AP3B1: variants seen among roughly 807,000 people sequenced by gnomAD.
AP3B1 encodes the protein AP-3 complex subunit beta-1.
A neutral mutation model predicts 132.5 loss-of-function variants in AP3B1; 61 were observed. The ratio of observed to expected loss-of-function variants is 0.46; its 90% CI spans 0.37 to 0.57. The LOEUF is 0.57. Ranked by LOEUF, AP3B1 falls within the 20% of genes least tolerant of loss-of-function variation. The probability of loss-of-function intolerance (pLI) is 0.00; values close to 1 mark genes in which losing one functional copy is unlikely to be tolerated. For synonymous variants in AP3B1, 388 were observed against 438.3 expected, an observed-to-expected ratio of 0.89 and a Z score of 1.43; for missense variants, 1,120 against 1,289.4, an observed-to-expected ratio of 0.87 and a Z score of 2.01.
chr5:78,063,269 T>C (rs1172059966), intron 22 of AP3B1, among the ~76,000 whole-genome samples: 1 of 152,206 alleles, frequency 6.6e-6, no homozygotes, highest in Non-Finnish European at 1.5e-5. Context: ...CTACAGCTCA[T>C]TTCCACAGTA....
At chr5:78,096,845 TCAGCCCCCGCC>T (rs1750829315) in intron 21 of AP3B1, among the ~76,000 whole-genome samples, 2 of 137,292 alleles carry the variant, frequency 1.5e-5, no homozygotes, top group African/African-American at 2.8e-5. Flanking sequence ...GAGGGGGGGC[TCAGCCCCCGCC>T]AGGCCAGCCG....
intron 22 of AP3B1, among the ~76,000 whole-genome samples, chr5:78,076,053 G>A (rs1274063336): frequency 1.3e-5 from 2 of 152,080 alleles, no homozygotes; most frequent in Non-Finnish European, 2.9e-5. Flanking sequence ...ATGGTACAGA[G>A]GAAAAAAGGT....
chr5:78,204,478 C>T (rs1745422889), intron 7 of AP3B1, among the ~76,000 whole-genome samples: 1 of 152,156 alleles, frequency 6.6e-6, no homozygotes, highest in Admixed American at 6.5e-5. Flanking sequence ...AGGTGTCTAA[C>T]CCTACGCATG....
rs192942553 is a variant in AP3B1, at chr5:78,168,593, T to C, written c.1168-2921A>G. 3.0e-3 allele frequency among the ~76,000 whole-genome samples: 462 copies of C among 152,320 alleles called. 2 individuals are homozygous for C. Among genetic ancestry groups the C allele is most frequent in the African/African-American group, 0.011 (440 of 41,562 alleles). On this transcript the variant is annotated intron_variant, in intron 11 of 26. Coordinates refer to ENST00000255194, the MANE Select transcript of AP3B1 (RefSeq NM_003664.5). ...CGTATAGTACAAAGAACTGTTGCTG[T>C]TGTTTTTCTGAACGATTTGAGACGA...
At chr5:78,250,772 A>AT (rs1019221453) in intron 2 of AP3B1, among the ~76,000 whole-genome samples, 16 of 152,232 alleles carry the variant, frequency 1.1e-4, no homozygotes, top group East Asian at 5.8e-4. Context: ...GGGATGTGGC[A>AT]TTTTTTTAAA....
chr5:78,193,879 C>T (rs1281800567), intron 7 of AP3B1, among the ~76,000 whole-genome samples: 2 of 150,524 alleles, frequency 1.3e-5, no homozygotes, highest in East Asian at 1.9e-4. Context: ...CTCAGCCTCC[C>T]GAGTAGCTGG....
At chr5:78,193,772 T>TATATA (rs1561469679) in intron 7 of AP3B1, among the ~76,000 whole-genome samples, 4 of 91,212 alleles carry the variant, frequency 4.4e-5, no homozygotes, top group Non-Finnish European at 1.0e-4. Flanking sequence ...ATATATATAT[T>TATATA]TTTTTTTTAG....
At chr5:78,279,463 T>A (rs1491000587) in intron 1 of AP3B1, among the ~76,000 whole-genome samples, 1 of 152,090 alleles carries the variant, frequency 6.6e-6, no homozygotes, top group Admixed American at 6.6e-5. Flanking sequence ...ATGTGAGAAA[T>A]TCTAAAATCA....
chr5:78,128,258 A>T, intron 16 of AP3B1, 98 bp from the exon 17 acceptor site: 1 of 1,097,744 alleles, frequency 9.1e-7, no homozygotes, highest in Non-Finnish European at 1.3e-6. Context: ...ATATTACCTC[A>T]AATGTCAAGG....
At chr5:78,095,027 G>A (rs192453421) in intron 21 of AP3B1, among the ~76,000 whole-genome samples, 14 of 152,254 alleles carry the variant, frequency 9.2e-5, no homozygotes, top group African/African-American at 2.2e-4. Context: ...TTTTGATACC[G>A]CTAGGTGGAT....
intron 1 of AP3B1, among the ~76,000 whole-genome samples, chr5:78,280,224 G>C (rs1244392083): frequency 2.6e-5 from 4 of 151,818 alleles, no homozygotes; most frequent in African/African-American, 9.7e-5. Context: ...TTCATGAAAA[G>C]AAAACTGATC....
intron 1 of AP3B1, among the ~76,000 whole-genome samples, chr5:78,273,274 A>G (rs1273104080): frequency 6.6e-6 from 1 of 152,086 alleles, no homozygotes; most frequent in Non-Finnish European, 1.5e-5. Flanking sequence ...GTGTGGTGAC[A>G]TGCGCCTGTA....
Position 78,098,151 on chromosome 5 carries a change from C to T in AP3B1, c.2470+2802G>A, listed in dbSNP as rs1021789742. Among the ~76,000 whole-genome samples, 24 of 151,064 alleles carry T rather than the reference C, an allele frequency of 1.6e-4. 1 individual carries two copies. The highest frequency in any genetic ancestry group is 4.6e-4 in the Admixed American group (7 of 15,094). ...CGGGGACACAAACACTGCGGAAGGC[C>T]GCAGGGTCCTCTGCCTAGGAAAACC... On this transcript the variant is annotated intron_variant, in intron 21 of 26. Transcript: ENST00000255194.
intron 3 of AP3B1, among the ~76,000 whole-genome samples, chr5:78,234,369 G>A (rs1377365400): frequency 1.3e-5 from 2 of 152,216 alleles, no homozygotes; most frequent in Admixed American, 1.3e-4. Flanking sequence ...TATACTTAAT[G>A]TTTCAGATTA....
chr5:78,292,152 G>A (rs558107221), intron 1 of AP3B1, among the ~76,000 whole-genome samples: 17 of 152,240 alleles, frequency 1.1e-4, no homozygotes, highest in African/African-American at 3.9e-4. Flanking sequence ...AAAACCAGAG[G>A]TGAGGAATAG....
intron 24 of AP3B1, among the ~76,000 whole-genome samples, chr5:78,030,493 T>C (rs1256887161): frequency 6.6e-6 from 1 of 152,204 alleles, no homozygotes; most frequent in African/African-American, 2.4e-5. Flanking sequence ...TGAAATTTGA[T>C]TCCATTCTCA....
intron 7 of AP3B1, among the ~76,000 whole-genome samples, chr5:78,186,386 C>T (rs4704487): frequency 0.29 from 43,304 of 151,934 alleles, 6,528 homozygotes; most frequent in Admixed American, 0.39. Flanking sequence ...AATAACAAAA[C>T]TATGGAAACA....
At chr5:78,000,879 G>C (rs1746186402), downstream of AP3B1, 1 of 152,120 alleles carries the variant, frequency 6.6e-6, no homozygotes, top group Non-Finnish European at 1.5e-5. Context: ...TTTAACTTGG[G>C]GCTTTGGTCG....
chr5:78,175,080 G>A lies in AP3B1; in HGVS notation c.1167+546C>T, dbSNP rs116634774. Among the ~76,000 whole-genome samples the A allele has an allele frequency of 3.1e-3, 472 of 152,382 alleles. 4 individuals are homozygous for A. The highest frequency in any genetic ancestry group is 0.011 in the African/African-American group (445 of 41,592). ...CCGGTTGCTAAGACCTTGGGAAAGCGCAGTTTTTGGGTGAGAGTGTCCCGT... is the reference window on the plus strand; with the variant it reads ...CCGGTTGCTAAGACCTTGGGAAAGCACAGTTTTTGGGTGAGAGTGTCCCGT... On this transcript the variant is annotated intron_variant, in intron 11 of 26. Coordinates refer to ENST00000255194, the MANE Select transcript of AP3B1 (RefSeq NM_003664.5).
Sources: allele counts gnomAD v4.1 joint callset (sites outside exome capture counted in the v4.1 genomes callset), GRCh38; gene constraint gnomAD v4.1.1; transcripts MANE v1.5; gene names NCBI Gene and HGNC (gene_info 2026-07-23, HGNC 2026-07-21).